Variants in UTP20 observed in about 807,000 individuals in gnomAD.
The protein encoded by UTP20 is small subunit processome component 20 homolog.
A neutral mutation model predicts 329.5 loss-of-function variants in UTP20; 164 were observed. That is an observed-to-expected ratio of 0.50 (90% CI 0.44 to 0.57). UTP20 has a LOEUF of 0.57. UTP20 is among the 20% of genes least tolerant of loss of function. The probability of loss-of-function intolerance (pLI) is 0.00; values close to 1 mark genes in which losing one functional copy is unlikely to be tolerated. For missense variants in UTP20, 3,055 were observed against 3,284.2 expected (o/e 0.93, Z 1.71); for synonymous variants, 1,151 against 1,159.3 (o/e 0.99, Z 0.14).
Position 101,340,594 on chromosome 12 carries a change from G to C in UTP20, c.4085G>C (p.Arg1362Pro), listed in dbSNP as rs766714525. ...LITLLLPFLH[R>P]GNIAEDTEVD... Reference sequence around the variant, plus strand: ...ACGCTTCTCCTTCCATTCCTCCACCGTGGCAATATTGCTGAGGTACAAACT... The same window carrying C: ...ACGCTTCTCCTTCCATTCCTCCACCCTGGCAATATTGCTGAGGTACAAACT... The change falls in exon 32 of 62, where the codon CGT (arginine) becomes CCT (proline). Residue 1362 changes from arginine to proline, a missense_variant. This residue lies in a region of UTP20 where 2,445 missense variants were observed against 2,575.5 expected (regional missense o/e 0.95). Coordinates refer to ENST00000261637, the MANE Select transcript of UTP20 (RefSeq NM_014503.3). 1.2e-6 allele frequency: 2 copies of C among 1,610,130 alleles called. No individual in the cohort carries two copies. Among genetic ancestry groups the C allele is most frequent in the Admixed American group, 3.4e-5 (2 of 59,628 alleles).
At chr12:101,311,083 A>G (rs893901325) in intron 19 of UTP20, among the ~76,000 whole-genome samples, 4 of 152,338 alleles carry the variant, frequency 2.6e-5, no homozygotes, top group African/African-American at 9.6e-5. Context: ...AAGGATAGAA[A>G]CAACAACATA....
chr12:101,282,811 A>C (rs1210513749), intron 2 of UTP20, among the ~76,000 whole-genome samples: 1 of 152,186 alleles, frequency 6.6e-6, no homozygotes, highest in Non-Finnish European at 1.5e-5. Context: ...CTGTTATCTA[A>C]GTAAGAAATG....
chr12:101,333,264 A>G (rs1455854091), intron 27 of UTP20, 37 bp from the exon 28 acceptor site: 11 of 1,599,290 alleles, frequency 6.9e-6, no homozygotes, highest in South Asian at 1.1e-5. Context: ...AAAATGATAC[A>G]TATGTATTTT....
At chr12:101,305,091 CT>C (rs1412026571) in intron 15 of UTP20, among the ~76,000 whole-genome samples, 1 of 152,118 alleles carries the variant, frequency 6.6e-6, no homozygotes, top group Admixed American at 6.6e-5. Flanking sequence ...CTCCCCACAA[CT>C]CCCTGCATGT....
At chr12:101,300,814 C>T (rs1331199621) in intron 14 of UTP20, among the ~76,000 whole-genome samples, 1 of 152,102 alleles carries the variant, frequency 6.6e-6, no homozygotes, top group African/African-American at 2.4e-5. Flanking sequence ...GTGGACTCGC[C>T]GCATGTCAAG....
intron 58 of UTP20, among the ~76,000 whole-genome samples, chr12:101,382,801 C>T (rs190813465): frequency 3.3e-5 from 5 of 150,760 alleles, no homozygotes; most frequent in East Asian, 1.9e-4. Flanking sequence ...CACAGTGAGC[C>T]GAGATTGCAC....
chr12:101,365,672 T>C, intron 46 of UTP20, 47 bp downstream of exon 46: 1 of 1,452,050 alleles, frequency 6.9e-7, no homozygotes, highest in East Asian at 2.5e-5. Flanking sequence ...CTGCGTCTGA[T>C]AAGCCATTCT....
chr12:101,289,897 C>A lies in UTP20; in HGVS notation c.598-240C>A, dbSNP rs1210720724. ...ACTTTAAAAGATAGAATGTTGACTT[C>A]TGTAGTTTTTTTTGTAGTACATATC... On this transcript the variant is annotated intron_variant, in intron 6 of 61. Transcript: ENST00000261637. The A allele has an allele frequency of 2.1e-5, 5 of 235,032 alleles. No individual in the cohort carries two copies. In the East Asian group the frequency reaches 4.1e-4, roughly 19 times the overall value. 14.6% of individuals were successfully genotyped at this position (235,032 alleles called of 1,614,324 possible). A position where few individuals can be genotyped will look rare whatever the true frequency, so the allele number is the denominator to read the frequency against.
intron 27 of UTP20, 69 bp from the exon 28 acceptor site, chr12:101,333,232 C>T (rs892635373): frequency 3.4e-6 from 5 of 1,471,608 alleles, no homozygotes; most frequent in Admixed American, 2.0e-5. Context: ...AGCAAGAGTG[C>T]CTCTCTGAGG....
intron 53 of UTP20, 32 bp from the exon 54 acceptor site, chr12:101,373,553 C>G (rs1008928054): frequency 1.9e-6 from 3 of 1,612,286 alleles, no homozygotes; most frequent in African/African-American, 2.7e-5. Context: ...GAATTCCACT[C>G]TGAGTGCTCA....
intron 40 of UTP20, among the ~76,000 whole-genome samples, chr12:101,354,261 C>CAAAAAAAA (rs71091489): frequency 6.9e-4 from 55 of 79,978 alleles, no homozygotes; most frequent in African/African-American, 1.7e-3. Context: ...GACTCTGTCT[C>CAAAAAAAA]AAAAAAAAAA....
At chr12:101,298,613 AG>A (rs1199625180) in intron 12 of UTP20, among the ~76,000 whole-genome samples, 1 of 152,166 alleles carries the variant, frequency 6.6e-6, no homozygotes, top group Non-Finnish European at 1.5e-5. Flanking sequence ...AGCCATTGGC[AG>A]GTCTAGAAAA....
rs760797743 is a variant in UTP20 at position 101,369,865 on chromosome 12, T to C, written c.6529T>C (p.Phe2177Leu). 1 of 1,613,902 alleles carries C rather than the reference T, an allele frequency of 6.2e-7. No individual in the cohort carries two copies. The highest frequency in any genetic ancestry group is 8.5e-7 in the Non-Finnish European group (1 of 1,179,902). The part of the protein sequence containing the change: ...AKLGAARGQN[F>L]HLVVNCFKCV... ...GCTCGGGGCCGCCAGGGGCCAGAAC[T>C]TCCACCTTGTGGTCAATTGTTTCAA... The change falls in exon 49 of 62, where the codon TTC (phenylalanine) becomes CTC (leucine). Residue 2177 changes from phenylalanine to leucine, a missense_variant. By Grantham distance (22) the Phe-to-Leu change is conservative. Coordinates refer to ENST00000261637, the MANE Select transcript of UTP20 (RefSeq NM_014503.3).
intron 25 of UTP20, among the ~76,000 whole-genome samples, chr12:101,325,836 T>C (rs948705240): frequency 1.3e-5 from 2 of 152,206 alleles, no homozygotes; most frequent in Admixed American, 1.3e-4. Context: ...AAGTGGAAAT[T>C]AGGATTGGAG....
intron 29 of UTP20, among the ~76,000 whole-genome samples, chr12:101,336,164 A>G (rs1868927637): frequency 6.6e-6 from 1 of 152,112 alleles, no homozygotes; most frequent in African/African-American, 2.4e-5. Context: ...CTTAACACTC[A>G]CCTGAAGAAA....
intron 35 of UTP20, among the ~76,000 whole-genome samples, chr12:101,343,761 C>T (rs1281300852): frequency 1.3e-5 from 2 of 152,238 alleles, no homozygotes; most frequent in African/African-American, 4.8e-5. Flanking sequence ...ATCCGCCCAT[C>T]TTGGCCTCCC....
intron 46 of UTP20, 152 bp downstream of exon 46, chr12:101,365,777 A>G (rs1870077451): frequency 3.6e-6 from 2 of 548,886 alleles, no homozygotes; most frequent in South Asian, 1.2e-4. Context: ...TTTCAACATG[A>G]GATTTTCTCA....
At chr12:101,375,814 A>G (rs1870452324) in intron 56 of UTP20, 58 bp downstream of exon 56, 9 of 1,096,320 alleles carry the variant, frequency 8.2e-6, no homozygotes, top group Non-Finnish European at 1.2e-5. Context: ...AATTACTGAA[A>G]GTAGATTTGA....
At position 101,338,267 on chromosome 12, in the gene UTP20, A is replaced by G; in HGVS notation, c.3858A>G (p.Glu1286=). The change falls in exon 30 of 62, where the codon GAA becomes GAG. Residue 1286 remains glutamate (E), a synonymous_variant. Coordinates refer to ENST00000261637, the MANE Select transcript of UTP20 (RefSeq NM_014503.3). ...VTGCVYPGIA[E]NIGESITIGG... is the part of the protein sequence containing the mutation. ...GATGTGTATACCCTGGCATAGCAGA[A>G]AACATCGGTGGTATGTATGCTGACA... 6.2e-7 allele frequency: 1 copy of G among 1,614,112 alleles called. No homozygotes were observed. Among genetic ancestry groups the G allele is most frequent in the Non-Finnish European group, 8.5e-7 (1 of 1,179,976 alleles).
Sources: gnomAD v4.1 joint callset for allele counts (sites outside exome capture counted in the v4.1 genomes callset) on GRCh38, gnomAD v4.1.1 for gene constraint, gnomAD v4.1.1 regional missense constraint, MANE v1.5 for transcripts, NCBI Gene and HGNC (gene_info 2026-07-23, HGNC 2026-07-21) for gene names.